SSBP2: variants seen among roughly 807,000 people sequenced by gnomAD.
The protein encoded by SSBP2 is single stranded DNA binding protein 2.
A neutral mutation model predicts 61.8 loss-of-function variants in SSBP2; 17 were observed. The observed-to-expected ratio is 0.28, with a 90% CI of 0.19 to 0.41. The LOEUF is 0.41. Among genes scored for constraint, SSBP2 ranks in the 10% least tolerant of loss-of-function variants. The pLI, the probability that SSBP2 is intolerant of heterozygous loss-of-function variation, is 1.00. For missense variants in SSBP2, 310 were observed against 458.7 expected, an observed-to-expected ratio of 0.68 and a Z score of 2.96; for synonymous variants, 139 against 141.3, an observed-to-expected ratio of 0.98 and a Z score of 0.12.
chr5:81,454,307 T>G (rs544689651), intron 10 of SSBP2, among the ~76,000 whole-genome samples: 1 of 152,072 alleles, frequency 6.6e-6, no homozygotes, highest in Admixed American at 6.6e-5. Flanking sequence ...TTCCAGTCAA[T>G]GGAAAGGGAC....
At chr5:81,460,265 A>G (rs1000494470) in intron 10 of SSBP2, among the ~76,000 whole-genome samples, 2 of 152,164 alleles carry the variant, frequency 1.3e-5, no homozygotes, top group African/African-American at 4.8e-5. Flanking sequence ...CACAGGTTGT[A>G]TTTCATTCTC....
At chr5:81,484,796 A>T (rs1297797010) in intron 6 of SSBP2, among the ~76,000 whole-genome samples, 1 of 152,134 alleles carries the variant, frequency 6.6e-6, no homozygotes, top group African/African-American at 2.4e-5. Context: ...TATTGCACAA[A>T]TATCTGAAGA....
At chr5:81,649,677 C>G (rs1394538001) in intron 2 of SSBP2, among the ~76,000 whole-genome samples, 1 of 151,822 alleles carries the variant, frequency 6.6e-6, no homozygotes, top group African/African-American at 2.4e-5. Context: ...GGCTGCTATG[C>G]TTACTACCTG....
At chr5:81,723,338 A>C (rs1033443188) in intron 1 of SSBP2, among the ~76,000 whole-genome samples, 1 of 152,018 alleles carries the variant, frequency 6.6e-6, no homozygotes, top group South Asian at 2.1e-4. Context: ...AATGATGTCA[A>C]TGTAGTTGAT....
chr5:81,427,824 C>T lies in SSBP2; in HGVS notation c.1056+761G>A, dbSNP rs73766238. On this transcript the variant is annotated intron_variant, in intron 16 of 16. Transcript: ENST00000320672. ...TTTCCACATTCAAGTATGCCCAGCT[C>T]CACTCCTGGAAATTCTGATTCACTA... Among the ~76,000 whole-genome samples, 283 of 152,266 alleles carry T rather than the reference C, an allele frequency of 1.9e-3. 1 individual carries two copies. The highest frequency in any genetic ancestry group is 6.5e-3 in the African/African-American group (268 of 41,548).
rs896023848 is a variant in SSBP2, at chr5:81,425,609, A to AT, written c.1056+2975dup. Among the ~76,000 whole-genome samples, 176 of 151,798 alleles carry AT rather than the reference A, an allele frequency of 1.2e-3. 1 individual carries two copies. Among genetic ancestry groups the AT allele is most frequent in the African/African-American group, 3.8e-3 (157 of 41,424 alleles). Reference sequence around the variant, plus strand: ...CTTCACTTGAGAAGCATGAAAAACTATTTTTTTTGAACTAAGGCTTTTTGT... The same window carrying AT: ...CTTCACTTGAGAAGCATGAAAAACTATTTTTTTTTGAACTAAGGCTTTTTGT... On this transcript the variant is annotated intron_variant, in intron 16 of 16. Transcript: ENST00000320672.
intron 4 of SSBP2, among the ~76,000 whole-genome samples, chr5:81,576,188 C>CTT (rs576003769): frequency 7.8e-5 from 11 of 141,594 alleles, no homozygotes; most frequent in African/African-American, 2.3e-4. Flanking sequence ...TATCAGGCTT[C>CTT]TTTTTTTTTT....
At chr5:81,663,921 T>G (rs750061011) in intron 1 of SSBP2, among the ~76,000 whole-genome samples, 1 of 152,168 alleles carries the variant, frequency 6.6e-6, no homozygotes, top group Non-Finnish European at 1.5e-5. Context: ...AAATAAGGCA[T>G]GCAAATTAAT....
At chr5:81,729,656 T>C (rs188880762) in intron 1 of SSBP2, among the ~76,000 whole-genome samples, 1 of 152,290 alleles carries the variant, frequency 6.6e-6, no homozygotes, top group African/African-American at 2.4e-5. Context: ...TTGTGATTCA[T>C]AAAATGAACA....
At chr5:81,463,095 T>C (rs1764652354) in intron 9 of SSBP2, among the ~76,000 whole-genome samples, 4 of 152,116 alleles carry the variant, frequency 2.6e-5, no homozygotes, top group Admixed American at 2.6e-4. Flanking sequence ...AGTTCCAACA[T>C]ACTAAGTGTT....
chr5:81,413,160 C>T lies in SSBP2; in HGVS notation c.*7344G>A, dbSNP rs996834392. 9.2e-5 allele frequency: 14 copies of T among 152,162 alleles called. No homozygotes were observed. Among genetic ancestry groups the T allele is most frequent in the African/African-American group, 7.2e-5 (3 of 41,440 alleles). The allele number at this position is 152,162 out of a possible 1,614,324, so 9.4% of individuals were successfully genotyped here. A position where few individuals can be genotyped will look rare whatever the true frequency, so the allele number is the denominator to read the frequency against. On this transcript the variant is annotated 3_prime_UTR_variant, in exon 17 of 17. Coordinates refer to ENST00000320672, the MANE Select transcript of SSBP2 (RefSeq NM_012446.5). ...TATTTTAAAAAATTAAATGTGAAAA[C>T]GTGCCAAATTAAGGGTCATTTATGT...
At chr5:81,424,419 A>G (rs1228275149) in intron 16 of SSBP2, among the ~76,000 whole-genome samples, 2 of 151,914 alleles carry the variant, frequency 1.3e-5, no homozygotes, top group African/African-American at 2.4e-5. Flanking sequence ...ATGAGACTCT[A>G]GTCTCAAAAA....
chr5:81,751,356 C>A (rs910596294), upstream of SSBP2: 1 of 503,232 alleles, frequency 2.0e-6, no homozygotes, highest in Non-Finnish European at 3.6e-6. Flanking sequence ...CCCCTCCCCC[C>A]TCCGAACCCG....
rs529758005 is a variant in SSBP2, at chr5:81,669,426, G to T, written c.63-19087C>A. 2.6e-5 allele frequency among the ~76,000 whole-genome samples: 4 copies of T among 152,326 alleles called. No homozygotes were observed. The East Asian group carries it at 7.7e-4, about 29-fold the overall frequency. ...GGCAGCACTTGGAATCAAGCAAGAT[G>T]ATTTCAGTAGGTGAATGGAGAAATA... On this transcript the variant is annotated intron_variant, in intron 1 of 16. Transcript: ENST00000320672.
chr5:81,425,537 A>G (rs956587823), intron 16 of SSBP2, among the ~76,000 whole-genome samples: 2 of 152,254 alleles, frequency 1.3e-5, no homozygotes, highest in East Asian at 3.9e-4. Flanking sequence ...CCATGGGAAA[A>G]TATTTTGCTA....
intron 1 of SSBP2, among the ~76,000 whole-genome samples, chr5:81,722,639 ATTTG>A (rs1755613046): frequency 6.6e-6 from 1 of 151,986 alleles, no homozygotes; most frequent in African/African-American, 2.4e-5. Context: ...TTGAGCATGC[ATTTG>A]TTTTCTCTAA....
intron 1 of SSBP2, among the ~76,000 whole-genome samples, chr5:81,684,270 A>G (rs954534933): frequency 6.6e-6 from 1 of 152,204 alleles, no homozygotes; most frequent in Non-Finnish European, 1.5e-5. Flanking sequence ...TCAACACTAG[A>G]AAGAAATGAG....
At position 81,595,445 on chromosome 5, in the gene SSBP2, T is replaced by C. The variant is rs904815172; in HGVS notation, c.282+20028A>G. Among the ~76,000 whole-genome samples, 7 of 152,306 alleles carry C rather than the reference T, an allele frequency of 4.6e-5. No individual in the cohort carries two copies. The South Asian group carries it at 1.4e-3, about 32-fold the overall frequency. ...GAGCTGGTACCATTCCTTCTGAAACTATTCCAATCGATAGAAAAAAAGGGA... is the reference window on the plus strand; with the variant it reads ...GAGCTGGTACCATTCCTTCTGAAACCATTCCAATCGATAGAAAAAAAGGGA... On this transcript the variant is annotated intron_variant, in intron 4 of 16. Coordinates refer to ENST00000320672, the MANE Select transcript of SSBP2 (RefSeq NM_012446.5).
intron 1 of SSBP2, among the ~76,000 whole-genome samples, chr5:81,684,607 A>G (rs1259191594): frequency 6.6e-6 from 1 of 152,148 alleles, no homozygotes; most frequent in Non-Finnish European, 1.5e-5. Context: ...TGACTGCCCT[A>G]CTGGGTTTTA....
Sources: gnomAD v4.1 joint callset for allele counts (sites outside exome capture counted in the v4.1 genomes callset) on GRCh38, gnomAD v4.1.1 for gene constraint, MANE v1.5 for transcripts, NCBI Gene and HGNC (gene_info 2026-07-23, HGNC 2026-07-21) for gene names.